ERBB4: variants seen among roughly 807,000 people sequenced by gnomAD.
The protein encoded by ERBB4 is receptor tyrosine-protein kinase erbB-4.
Under a neutral mutation model 158.0 loss-of-function variants are expected in ERBB4, and 42 were observed. The observed-to-expected ratio is 0.27, with a 90% CI of 0.21 to 0.34. The LOEUF (loss-of-function observed/expected upper bound fraction) is 0.34, where lower values mean the gene tolerates loss of function less well. Among genes scored for constraint, ERBB4 ranks in the 10% least tolerant of loss-of-function variants. The pLI is 1.00. For synonymous variants in ERBB4, 583 were observed against 558.7 expected (o/e 1.04, Z -0.61); for missense variants, 1,333 against 1,624.1 (o/e 0.82, Z 3.08).
At chr2:211,786,898 C>G (rs2076177517) in intron 4 of ERBB4, among the ~76,000 whole-genome samples, 1 of 152,148 alleles carries the variant, frequency 6.6e-6, no homozygotes, top group South Asian at 2.1e-4. Context: ...TGTAATTTTA[C>G]AAAGTAGGCA....
chr2:212,181,375 C>T lies in ERBB4; in HGVS notation c.83-56472G>A, dbSNP rs144338249. Among the ~76,000 whole-genome samples, 322 of 151,590 alleles carry T rather than the reference C, an allele frequency of 2.1e-3. 1 individual carries two copies. The highest frequency in any genetic ancestry group is 7.2e-3 in the African/African-American group (299 of 41,442). On this transcript the variant is annotated intron_variant, in intron 1 of 27. Transcript: ENST00000342788. ...ATACATATTTATGTGTGAATATGTACGTACATATTTCTGATTGGTTGCCAC... is the reference window on the plus strand; with the variant it reads ...ATACATATTTATGTGTGAATATGTATGTACATATTTCTGATTGGTTGCCAC...
At chr2:212,247,249 G>A (rs62182616) in intron 1 of ERBB4, among the ~76,000 whole-genome samples, 33,914 of 151,750 alleles carry the variant, frequency 0.22, 4,055 homozygotes, top group African/African-American at 0.25. Context: ...ATTGGGACCT[G>A]AACTAAAGCA....
chr2:211,752,501 A>AAAAAAG (rs2075162368), intron 4 of ERBB4, among the ~76,000 whole-genome samples: 3 of 143,220 alleles, frequency 2.1e-5, no homozygotes, highest in Non-Finnish European at 4.5e-5. Flanking sequence ...GAAAAAAAAA[A>AAAAAAG]AAAAGAAAAG....
intron 4 of ERBB4, among the ~76,000 whole-genome samples, chr2:211,761,716 A>G (rs1226018142): frequency 6.6e-6 from 1 of 152,204 alleles, no homozygotes; most frequent in African/African-American, 2.4e-5. Context: ...GGAGAATGTG[A>G]TAGGAAATTA....
Position 212,275,999 on chromosome 2 carries a change from T to C in ERBB4, c.83-151096A>G, listed in dbSNP as rs2085519728. 2.0e-5 allele frequency among the ~76,000 whole-genome samples: 3 copies of C among 151,780 alleles called. No homozygotes were observed. In the South Asian group the frequency reaches 6.2e-4, roughly 31 times the overall value. ...GCAGAAACTTTCACTTTGTTTCTAATATATTTATTCAAAAATACCCTCAGA... is the reference window on the plus strand; with the variant it reads ...GCAGAAACTTTCACTTTGTTTCTAACATATTTATTCAAAAATACCCTCAGA... On this transcript the variant is annotated intron_variant, in intron 1 of 27. Transcript: ENST00000342788.
intron 20 of ERBB4, among the ~76,000 whole-genome samples, chr2:211,482,771 G>A (rs535617188): frequency 9.9e-5 from 15 of 152,228 alleles, no homozygotes; most frequent in African/African-American, 3.4e-4. Context: ...CGGGCGTGGT[G>A]GCACATGTCT....
intron 1 of ERBB4, among the ~76,000 whole-genome samples, chr2:212,200,311 C>A (rs959801173): frequency 3.9e-5 from 6 of 152,126 alleles, no homozygotes; most frequent in African/African-American, 1.4e-4. Context: ...TGTAAACTTA[C>A]AATCTCAATA....
At chr2:212,418,369 A>T (rs1332579794) in intron 1 of ERBB4, among the ~76,000 whole-genome samples, 1 of 151,908 alleles carries the variant, frequency 6.6e-6, no homozygotes, top group East Asian at 1.9e-4. Flanking sequence ...CAGCAAGTAC[A>T]ATATAATGCC....
intron 25 of ERBB4, among the ~76,000 whole-genome samples, chr2:211,395,196 T>A (rs568448507): frequency 2.6e-4 from 39 of 152,146 alleles, no homozygotes; most frequent in Non-Finnish European, 5.1e-4. Context: ...AAGTATCACT[T>A]AGGCTACATG....
chr2:211,413,226 C>T (rs2063302577), intron 25 of ERBB4, among the ~76,000 whole-genome samples: 1 of 149,030 alleles, frequency 6.7e-6, no homozygotes, highest in Non-Finnish European at 1.5e-5. Context: ...TCACTTGAGC[C>T]CAGGAGGTCA....
At chr2:212,532,381 T>C (rs1692800652) in intron 1 of ERBB4, among the ~76,000 whole-genome samples, 1 of 152,244 alleles carries the variant, frequency 6.6e-6, no homozygotes, top group African/African-American at 2.4e-5. Context: ...CACAGCTCTC[T>C]TTTTATTTTA....
intron 1 of ERBB4, among the ~76,000 whole-genome samples, chr2:212,381,476 G>C (rs139154248): frequency 5.5e-4 from 83 of 151,406 alleles, no homozygotes; most frequent in Non-Finnish European, 9.3e-4. Flanking sequence ...ACATGTATAT[G>C]TGTAGTGAGA....
intron 1 of ERBB4, among the ~76,000 whole-genome samples, chr2:212,241,982 A>C: frequency 6.6e-6 from 1 of 152,160 alleles, no homozygotes. Context: ...ATGAATGAAA[A>C]AAAATTCAAA....
chr2:212,447,800 G>A (rs1333140288), intron 1 of ERBB4, among the ~76,000 whole-genome samples: 1 of 151,704 alleles, frequency 6.6e-6, no homozygotes, highest in African/African-American at 2.4e-5. Flanking sequence ...GTGTGTGTGT[G>A]TGTGTGTATT....
chr2:212,380,067 T>A (rs2090454433), intron 1 of ERBB4, among the ~76,000 whole-genome samples: 1 of 151,292 alleles, frequency 6.6e-6, no homozygotes, highest in African/African-American at 2.4e-5. Context: ...CTAATAAGGT[T>A]TTTTAAATTT....
At chr2:212,250,354 T>A (rs553188360) in intron 1 of ERBB4, among the ~76,000 whole-genome samples, 2 of 151,958 alleles carry the variant, frequency 1.3e-5, no homozygotes, top group Non-Finnish European at 2.9e-5. Context: ...TCCAACCTTA[T>A]GTAATTGTGA....
intron 1 of ERBB4, among the ~76,000 whole-genome samples, chr2:212,196,583 C>A (rs979039526): frequency 6.6e-6 from 1 of 151,990 alleles, no homozygotes; most frequent in East Asian, 1.9e-4. Flanking sequence ...ACTGAAAATT[C>A]TAAATGATGC....
At chr2:212,473,654 G>C (rs1689226793) in intron 1 of ERBB4, among the ~76,000 whole-genome samples, 1 of 151,898 alleles carries the variant, frequency 6.6e-6, no homozygotes, top group Non-Finnish European at 1.5e-5. Flanking sequence ...GTATTTACTG[G>C]TTACCTTAAA....
intron 1 of ERBB4, among the ~76,000 whole-genome samples, chr2:212,218,204 G>C (rs528951291): frequency 1.3e-5 from 2 of 151,266 alleles, no homozygotes; most frequent in Admixed American, 1.3e-4. Context: ...ATCAGCTTTG[G>C]GTTTCAATTG....
Sources: allele counts gnomAD v4.1 joint callset (sites outside exome capture counted in the v4.1 genomes callset), GRCh38; gene constraint gnomAD v4.1.1; transcripts MANE v1.5; gene names NCBI Gene and HGNC (gene_info 2026-07-23, HGNC 2026-07-21).